DLC1: variants seen among roughly 807,000 people sequenced by gnomAD.
The protein encoded by DLC1 is DLC1 Rho GTPase activating protein.
A neutral mutation model predicts 140.3 loss-of-function variants in DLC1; 54 were observed. The observed-to-expected ratio is 0.38, with a 90% CI of 0.31 to 0.48. DLC1 has a LOEUF of 0.48. Among genes scored for constraint, DLC1 ranks in the 20% least tolerant of loss-of-function variants. The probability of loss-of-function intolerance (pLI) is 0.96; values close to 1 mark genes in which losing one functional copy is unlikely to be tolerated. For synonymous variants in DLC1, 986 were observed against 728.1 expected (o/e 1.35, Z -5.70); for missense variants, 2,536 against 1,907.0 (o/e 1.33, Z -6.14).
chr8:13,512,561 T>A (rs1462358302), intron 1 of DLC1, among the ~76,000 whole-genome samples: 4 of 152,176 alleles, frequency 2.6e-5, no homozygotes, highest in Admixed American at 2.0e-4. Context: ...ATTTTTTATA[T>A]GTCAACTTAG....
chr8:13,498,859 T>G (rs561687732), intron 2 of DLC1, 190 bp downstream of exon 2: 4 of 597,050 alleles, frequency 6.7e-6, no homozygotes, highest in East Asian at 5.7e-5. Flanking sequence ...GTGAAACGGA[T>G]AGATTATTAT....
At chr8:13,572,001 T>A (rs1284780669) in intron 1 of DLC1, among the ~76,000 whole-genome samples, 1 of 152,170 alleles carries the variant, frequency 6.6e-6, no homozygotes, top group Non-Finnish European at 1.5e-5. Context: ...CATTTGTGTA[T>A]CTCATTTAGC....
chr8:13,188,799 G>GTGTGTATATATATATATATATATATATA (rs1554465470), intron 5 of DLC1, among the ~76,000 whole-genome samples: 51 of 79,472 alleles, frequency 6.4e-4, no homozygotes, highest in Non-Finnish European at 1.0e-3. Context: ...GTGTGTGTGT[G>GTGTGTATATATATATATATATATATATA]TGTATATATA....
chr8:13,240,311 A>G (rs908667627), intron 5 of DLC1, among the ~76,000 whole-genome samples: 5 of 152,254 alleles, frequency 3.3e-5, no homozygotes, highest in Admixed American at 2.0e-4. Flanking sequence ...TCAAAGGAAC[A>G]TAACAATGAA....
At chr8:13,537,516 T>A (rs1803323151) in intron 1 of DLC1, among the ~76,000 whole-genome samples, 1 of 152,058 alleles carries the variant, frequency 6.6e-6, no homozygotes, top group South Asian at 2.1e-4. Flanking sequence ...GGTTTCAGTG[T>A]AAAAGCTGAC....
At position 13,579,347 on chromosome 8, in the gene DLC1, ATATATATATATATATTTTTATAT is replaced by A. The variant is rs1563453968; in HGVS notation, c.-126+25167_-126+25189del. On this transcript the variant is annotated intron_variant, in intron 1 of 1. Transcript: ENST00000631382. The stretch of plus-strand genomic sequence containing the variant: ...TATATATATATATATATATATATAT[ATATATATATATATATTTTTATAT>A]AATACATATTTATATATTATATATT... Among the ~76,000 whole-genome samples, 111 of 51,888 alleles carry A rather than the reference ATATATATATATATATTTTTATAT, an allele frequency of 2.1e-3. 25 individuals are homozygous for A. The highest frequency in any genetic ancestry group is 0.012 in the African/African-American group (111 of 9,442). The allele number at this position is 51,888 out of a possible 152,430, so 34.0% of individuals were successfully genotyped here. A position where few individuals can be genotyped will look rare whatever the true frequency, so the allele number is the denominator to read the frequency against.
rs142253103 is a variant in DLC1, at chr8:13,085,873, C to T, written c.4525G>A (p.Val1509Ile). ...TTACTGAAGGAATCCCGGATCTTTA[C>T]AACTTCAGCTGCACACAAATGTCCA... ...SFGHLCAAEV[V>I]KIRDSFSNQN... Residue 1509 changes from valine to isoleucine, a missense_variant, in exon 18 of 18, where the codon GTA (valine) becomes ATA (isoleucine). Physicochemically the swap from Val to Ile is conservative, Grantham distance 29 (BLOSUM62 3). Transcript: ENST00000276297. 1.6e-4 allele frequency: 265 copies of T among 1,614,168 alleles called. No homozygotes were observed. In the East Asian group the frequency reaches 4.6e-3, roughly 28 times the overall value.
intron 5 of DLC1, chr8:13,133,222 A>G (rs1179014141): frequency 1.4e-6 from 2 of 1,415,980 alleles, no homozygotes; most frequent in Non-Finnish European, 1.8e-6. Flanking sequence ...GGCGCTCCTG[A>G]TGCGGAGAGG....
intron 2 of DLC1, among the ~76,000 whole-genome samples, chr8:13,479,600 T>C (rs190841613): frequency 5.0e-4 from 76 of 152,190 alleles, no homozygotes; most frequent in Middle Eastern, 3.4e-3. Context: ...TTGATAACTT[T>C]TATAACTCTA....
chr8:13,412,807 C>T (rs977898293), intron 2 of DLC1, among the ~76,000 whole-genome samples: 7 of 151,880 alleles, frequency 4.6e-5, no homozygotes, highest in Admixed American at 3.9e-4. Flanking sequence ...TGGTGGGAGC[C>T]TGTAGTCCCA....
At chr8:13,465,403 C>T (rs1040813077) in intron 2 of DLC1, among the ~76,000 whole-genome samples, 1 of 152,122 alleles carries the variant, frequency 6.6e-6, no homozygotes, top group Non-Finnish European at 1.5e-5. Flanking sequence ...GACTCTGGCA[C>T]TTGGTGTATT....
intron 4 of DLC1, among the ~76,000 whole-genome samples, chr8:13,317,081 T>C (rs563504281): frequency 6.6e-6 from 1 of 152,324 alleles, no homozygotes; most frequent in South Asian, 2.1e-4. Context: ...TCTACCTTGG[T>C]TCCAGAAAAC....
intron 2 of DLC1, among the ~76,000 whole-genome samples, chr8:13,479,568 C>G (rs1332759096): frequency 6.6e-6 from 1 of 151,966 alleles, no homozygotes; most frequent in Non-Finnish European, 1.5e-5. Context: ...TAGGTTGCAT[C>G]CAAAAGAAAC....
At chr8:13,501,094 A>T (rs888602886) in intron 1 of DLC1, among the ~76,000 whole-genome samples, 5 of 152,190 alleles carry the variant, frequency 3.3e-5, no homozygotes, top group African/African-American at 1.2e-4. Flanking sequence ...TTTATGCAAG[A>T]ATTCAAGTGA....
intron 5 of DLC1, among the ~76,000 whole-genome samples, chr8:13,222,811 A>G (rs1206678740): frequency 1.3e-5 from 2 of 152,112 alleles, no homozygotes; most frequent in African/African-American, 4.8e-5. Context: ...CGATGCAATC[A>G]TAGCTCACTG....
intron 4 of DLC1, among the ~76,000 whole-genome samples, chr8:13,343,018 A>G (rs1472041415): frequency 6.6e-6 from 1 of 152,028 alleles, no homozygotes; most frequent in African/African-American, 2.4e-5. Context: ...GAGTAATTTA[A>G]TTTTCCCGTT....
chr8:13,192,613 T>A (rs189319264), intron 5 of DLC1, among the ~76,000 whole-genome samples: 1 of 152,268 alleles, frequency 6.6e-6, no homozygotes, highest in African/African-American at 2.4e-5. Context: ...TGGACAGAAT[T>A]GTAGCACTCA....
At chr8:13,573,258 G>A (rs1278057307) in intron 1 of DLC1, among the ~76,000 whole-genome samples, 1 of 151,962 alleles carries the variant, frequency 6.6e-6, no homozygotes, top group African/African-American at 2.4e-5. Context: ...AATTCTTTTT[G>A]GATTGTTCAT....
At chr8:13,197,008 T>G (rs768315277) in intron 5 of DLC1, among the ~76,000 whole-genome samples, 3 of 152,242 alleles carry the variant, frequency 2.0e-5, no homozygotes, top group Non-Finnish European at 4.4e-5. Context: ...ACCTGATCAA[T>G]GATATGTATC....
Sources: allele counts gnomAD v4.1 joint callset (sites outside exome capture counted in the v4.1 genomes callset), GRCh38; gene constraint gnomAD v4.1.1; transcripts MANE v1.5; gene names NCBI Gene and HGNC (gene_info 2026-07-23, HGNC 2026-07-21).